The following OR2C1 variants were observed in gnomAD, a reference collection of about 807,000 sequenced individuals.
OR2C1 encodes olfactory receptor family 2 subfamily C member 1.
For synonymous variants in OR2C1, 209 were observed against 167.3 expected, an observed-to-expected ratio of 1.25 and a Z score of -1.92; for missense variants, 468 against 388.3, an observed-to-expected ratio of 1.21 and a Z score of -1.73.
the OR2C1 span, chr16:3,323,236 A>G: frequency 3.9e-6 from 3 of 768,952 alleles, no homozygotes; most frequent in Admixed American, 1.7e-5. Flanking sequence ...CAATAGCCAG[A>G]TGTGCCCATC....
the OR2C1 span, among the ~76,000 whole-genome samples, chr16:3,329,233 A>G: frequency 1.5e-4 from 22 of 146,150 alleles, no homozygotes; most frequent in Non-Finnish European, 2.8e-4. Flanking sequence ...ATGGAGCGGG[A>G]AGAAGAAATG....
the OR2C1 span, among the ~76,000 whole-genome samples, chr16:3,347,633 C>T: frequency 6.6e-6 from 1 of 151,974 alleles, no homozygotes; most frequent in African/African-American, 2.4e-5. Flanking sequence ...TTGTTTTTCT[C>T]AGAAAATGAG....
chr16:3,349,759 A>G, the OR2C1 span, among the ~76,000 whole-genome samples: 133,114 of 151,794 alleles, frequency 0.88, 58,417 homozygotes, highest in East Asian at 0.94. Context: ...TTTGGGGGCC[A>G]GGCGTGGTGG....
the OR2C1 span, among the ~76,000 whole-genome samples, chr16:3,325,545 G>A: frequency 6.7e-6 from 1 of 148,924 alleles, no homozygotes; most frequent in East Asian, 2.0e-4. Flanking sequence ...AAGTGAGTGT[G>A]TGCTGTTGGA....
chr16:3,332,159 T>C, the OR2C1 span, among the ~76,000 whole-genome samples: 1 of 151,338 alleles, frequency 6.6e-6, no homozygotes. Flanking sequence ...CGCACCAGCA[T>C]GGCACATGTA....
the OR2C1 span, among the ~76,000 whole-genome samples, chr16:3,330,977 G>C: frequency 6.6e-6 from 1 of 152,078 alleles, no homozygotes; most frequent in Non-Finnish European, 1.5e-5. Flanking sequence ...CTTCCACAAT[G>C]GTTGAACTAG....
the OR2C1 span, among the ~76,000 whole-genome samples, chr16:3,350,530 G>A: frequency 6.7e-6 from 1 of 150,024 alleles, no homozygotes; most frequent in Admixed American, 6.6e-5. Flanking sequence ...TCCTGCCTCA[G>A]CCTCCCGAGT....
chr16:3,339,053 T>C, the OR2C1 span, among the ~76,000 whole-genome samples: 4 of 152,154 alleles, frequency 2.6e-5, no homozygotes, highest in African/African-American at 7.2e-5. Context: ...CAAATCGGCC[T>C]TTTGGTCCTA....
In OR2C1 at chr16:3,356,787, C is replaced by T. The variant is rs2030687573; in HGVS notation, c.847C>T (p.Pro283Ser). The change falls in exon 1 of 1, where the codon CCC becomes TCC. Residue 283 changes from proline (P) to serine (S), a missense_variant. Transcript: ENST00000304936. ...FISLFYSLVT[P>S]MVNPLIYTLR... ...TTCCCTGTTCTACTCGTTGGTCACA[C>T]CCATGGTGAATCCCCTCATCTACAC... 3 of 1,599,240 alleles carry T rather than the reference C, an allele frequency of 1.9e-6. No individual in the cohort carries two copies. Among genetic ancestry groups the T allele is most frequent in the Admixed American group, 1.7e-5 (1 of 58,966 alleles).
chr16:3,332,892 C>A, the OR2C1 span, among the ~76,000 whole-genome samples: 1 of 151,974 alleles, frequency 6.6e-6, no homozygotes, highest in Non-Finnish European at 1.5e-5. Context: ...GAATATATAT[C>A]CAGTAGTGGA....
At chr16:3,350,038 A>G in the OR2C1 span, among the ~76,000 whole-genome samples, 1 of 150,028 alleles carries the variant, frequency 6.7e-6, no homozygotes, top group South Asian at 2.1e-4. Flanking sequence ...AAAAATACTC[A>G]AACTGTAAAA....
the OR2C1 span, among the ~76,000 whole-genome samples, chr16:3,343,004 A>G: frequency 6.6e-6 from 1 of 152,228 alleles, no homozygotes; most frequent in Non-Finnish European, 1.5e-5. Flanking sequence ...CTTTATTTAC[A>G]TTAATTTTTG....
At chr16:3,339,279 T>G in the OR2C1 span, among the ~76,000 whole-genome samples, 7 of 152,294 alleles carry the variant, frequency 4.6e-5, no homozygotes, top group East Asian at 1.9e-4. Context: ...CATTAGTTTT[T>G]TTTTTTTTTT....
chr16:3,326,119 C>G, the OR2C1 span, among the ~76,000 whole-genome samples: 1 of 151,832 alleles, frequency 6.6e-6, no homozygotes, highest in African/African-American at 2.4e-5. Context: ...TTAGTAGAGA[C>G]AGGGTTTCAC....
rs750064991 is a variant in OR2C1, at chr16:3,355,993, C to T, written c.53C>T (p.Ser18Leu). 1.5e-5 allele frequency: 25 copies of T among 1,613,762 alleles called. No homozygotes were observed. The highest frequency in any genetic ancestry group is 4.0e-5 in the African/African-American group (3 of 74,884). Residue 18 changes from serine (S) to leucine (L), a missense_variant, in exon 1 of 1, where the codon TCA becomes TTA. Ser to Leu is a moderately radical substitution (Grantham distance 145). Coordinates refer to ENST00000304936, the MANE Select transcript of OR2C1 (RefSeq NM_012368.3). ...SLQGFVLMGI[S>L]DHPQLEMIFF... The stretch of plus-strand genomic sequence containing the variant: ...CAGGGCTTTGTTCTGATGGGCATAT[C>T]AGACCATCCCCAGCTGGAGATGATC...
At chr16:3,347,826 A>G in the OR2C1 span, among the ~76,000 whole-genome samples, 1 of 95,524 alleles carries the variant, frequency 1.0e-5, no homozygotes, top group African/African-American at 3.3e-5. Flanking sequence ...ACGAACACAC[A>G]TGCACACACA....
chr16:3,336,990 G>A, the OR2C1 span, among the ~76,000 whole-genome samples: 7 of 151,970 alleles, frequency 4.6e-5, no homozygotes, highest in South Asian at 8.3e-4. Flanking sequence ...TTACAGGCAT[G>A]AGCCACTGCG....
chr16:3,330,807 T>C, the OR2C1 span, among the ~76,000 whole-genome samples: 1 of 152,228 alleles, frequency 6.6e-6, no homozygotes, highest in Non-Finnish European at 1.5e-5. Flanking sequence ...AGTGGCACAG[T>C]CACAGCTCAC....
At chr16:3,339,954 G>T in the OR2C1 span, among the ~76,000 whole-genome samples, 1 of 151,968 alleles carries the variant, frequency 6.6e-6, no homozygotes, top group Admixed American at 6.6e-5. Context: ...CTTCTTTGGG[G>T]AAATTTCTAT....
Sources: allele counts gnomAD v4.1 joint callset (sites outside exome capture counted in the v4.1 genomes callset), GRCh38; gene constraint gnomAD v4.1.1; transcripts MANE v1.5; gene names NCBI Gene and HGNC (gene_info 2026-07-23, HGNC 2026-07-21).